The following RNF180 variants were observed in gnomAD, a reference collection of about 807,000 sequenced individuals.
The protein encoded by RNF180 is E3 ubiquitin-protein ligase RNF180.
Under a neutral mutation model 59.2 loss-of-function variants are expected in RNF180, and 38 were observed. That is an observed-to-expected ratio of 0.64 (90% CI 0.50 to 0.84). The LOEUF (loss-of-function observed/expected upper bound fraction) is 0.84, where lower values mean the gene tolerates loss of function less well. RNF180 is among the 40% of genes least tolerant of loss of function. RNF180 has a pLI of 0.00. For synonymous variants in RNF180, 262 were observed against 240.3 expected (o/e 1.09, Z -0.84); for missense variants, 705 against 700.9 (o/e 1.01, Z -0.07).
In RNF180 at chr5:64,371,572, A is replaced by G. The variant is rs1021061672; in HGVS notation, c.*1758A>G. On this transcript the variant is annotated 3_prime_UTR_variant, in exon 8 of 8. Transcript: ENST00000389100. ...TATATATTTGTTAGGTCAGTGATAC[A>G]TATCAGTTTATAGATCTCAGTCTAC... 6.6e-6 allele frequency: 1 copy of G among 151,598 alleles called. No homozygotes were observed. The highest frequency in any genetic ancestry group is 1.9e-4 in the East Asian group (1 of 5,154). 9.4% of individuals were successfully genotyped at this position (151,598 alleles called of 1,614,324 possible). A position where few individuals can be genotyped will look rare whatever the true frequency, so the allele number is the denominator to read the frequency against.
intron 4 of RNF180, among the ~76,000 whole-genome samples, chr5:64,215,907 C>T (rs1396586849): frequency 6.6e-6 from 1 of 152,058 alleles, no homozygotes; most frequent in African/African-American, 2.4e-5. Context: ...GTTTTGAAAA[C>T]CTCAGCTACA....
chr5:64,294,132 G>A (rs1008292706), intron 5 of RNF180, among the ~76,000 whole-genome samples: 5 of 152,102 alleles, frequency 3.3e-5, no homozygotes, highest in Non-Finnish European at 5.9e-5. Flanking sequence ...GGTTGTTTTT[G>A]AGTGACATTT....
chr5:64,236,302 C>G (rs568407430), intron 5 of RNF180, among the ~76,000 whole-genome samples: 2 of 152,258 alleles, frequency 1.3e-5, no homozygotes, highest in East Asian at 3.9e-4. Flanking sequence ...AGCATTTTGC[C>G]CCTGCCCTAG....
chr5:64,200,394 A>G (rs772621235), intron 1 of RNF180, among the ~76,000 whole-genome samples: 4 of 152,154 alleles, frequency 2.6e-5, no homozygotes, highest in Non-Finnish European at 4.4e-5. Flanking sequence ...GTTCGAGGCT[A>G]TAGTGAGCTA....
At chr5:64,202,788 T>G (rs1486542288) in intron 2 of RNF180, among the ~76,000 whole-genome samples, 1 of 152,200 alleles carries the variant, frequency 6.6e-6, no homozygotes, top group Non-Finnish European at 1.5e-5. Context: ...TTAAAAATAT[T>G]ATTCATTCCT....
intron 5 of RNF180, among the ~76,000 whole-genome samples, chr5:64,224,967 A>C (rs1177410532): frequency 6.6e-6 from 1 of 152,162 alleles, no homozygotes; most frequent in Non-Finnish European, 1.5e-5. Context: ...TGGTCCCTTG[A>C]CCTTGGGCTG....
upstream of RNF180, among the ~76,000 whole-genome samples, chr5:64,165,521 G>A (rs973018571): frequency 5.3e-5 from 8 of 152,220 alleles, no homozygotes; most frequent in Non-Finnish European, 4.4e-5. Flanking sequence ...AGTTGGCTTG[G>A]ATCTCTTAAC....
chr5:64,216,544 T>C (rs1216100143), intron 4 of RNF180, among the ~76,000 whole-genome samples: 1 of 152,226 alleles, frequency 6.6e-6, no homozygotes, highest in African/African-American at 2.4e-5. Context: ...TTGGTTGATA[T>C]ATCTGGATTT....
At chr5:64,245,135 A>G (rs1030178324) in intron 5 of RNF180, among the ~76,000 whole-genome samples, 5 of 152,236 alleles carry the variant, frequency 3.3e-5, no homozygotes, top group African/African-American at 9.6e-5. Flanking sequence ...CTGCAAAAAC[A>G]TACCAAATTG....
intron 6 of RNF180, among the ~76,000 whole-genome samples, chr5:64,327,523 C>A (rs1744701742): frequency 6.6e-6 from 1 of 152,008 alleles, no homozygotes; most frequent in Admixed American, 6.6e-5. Flanking sequence ...ATTTAAATTT[C>A]TTTCTTCATA....
At chr5:64,290,280 A>G (rs911180384) in intron 5 of RNF180, among the ~76,000 whole-genome samples, 2 of 152,144 alleles carry the variant, frequency 1.3e-5, no homozygotes, top group Non-Finnish European at 2.9e-5. Context: ...TTTGCTGAGG[A>G]GTGTTTTACT....
intron 4 of RNF180, 48 bp downstream of exon 4, chr5:64,214,565 G>C: frequency 1.3e-6 from 2 of 1,499,030 alleles, no homozygotes; most frequent in African/African-American, 2.8e-5. Context: ...TATAAATACT[G>C]GAGTTTGGGG....
intron 7 of RNF180, among the ~76,000 whole-genome samples, chr5:64,354,565 A>C (rs1359789920): frequency 2.0e-5 from 3 of 151,922 alleles, no homozygotes; most frequent in African/African-American, 7.2e-5. Context: ...CAAAAAAAAA[A>C]TTGAAGAAGA....
chr5:64,226,193 C>T (rs909189165), intron 5 of RNF180, among the ~76,000 whole-genome samples: 1 of 152,116 alleles, frequency 6.6e-6, no homozygotes, highest in Admixed American at 6.5e-5. Flanking sequence ...GAGAACGGGC[C>T]ATGATGACAA....
At chr5:64,347,996 CATT>C (rs980359652) in intron 7 of RNF180, among the ~76,000 whole-genome samples, 6 of 151,952 alleles carry the variant, frequency 3.9e-5, no homozygotes, top group Non-Finnish European at 7.4e-5. Context: ...TGAACAAGAT[CATT>C]ATTTTGTTAA....
intron 5 of RNF180, among the ~76,000 whole-genome samples, chr5:64,303,627 T>C (rs1387906802): frequency 6.6e-6 from 1 of 151,660 alleles, no homozygotes; most frequent in Non-Finnish European, 1.5e-5. Context: ...ATTAATTCTT[T>C]GAAAGCTGAG....
At chr5:64,167,261 A>C (rs578056664) in intron 1 of RNF180, among the ~76,000 whole-genome samples, 1 of 152,342 alleles carries the variant, frequency 6.6e-6, no homozygotes, top group East Asian at 1.9e-4. Context: ...ATTTAGGAGA[A>C]TAGTCATTTT....
At chr5:64,262,371 C>T (rs1276202273) in intron 5 of RNF180, among the ~76,000 whole-genome samples, 1 of 152,148 alleles carries the variant, frequency 6.6e-6, no homozygotes, top group African/African-American at 2.4e-5. Context: ...GCACTGGGCA[C>T]TGTGCTGGAT....
intron 5 of RNF180, among the ~76,000 whole-genome samples, chr5:64,266,443 TATA>T (rs560778344): frequency 1.1e-3 from 173 of 152,290 alleles, no homozygotes; most frequent in African/African-American, 4.0e-3. Context: ...TTATTACCAT[TATA>T]ATGTATATCT....
Sources: gnomAD v4.1 joint callset for allele counts (sites outside exome capture counted in the v4.1 genomes callset) on GRCh38, gnomAD v4.1.1 for gene constraint, MANE v1.5 for transcripts, NCBI Gene and HGNC (gene_info 2026-07-23, HGNC 2026-07-21) for gene names.